EPB41L2: variants seen among roughly 807,000 people sequenced by gnomAD.
EPB41L2 encodes band 4.1-like protein 2.
A neutral mutation model predicts 113.0 loss-of-function variants in EPB41L2; 43 were observed. That is an observed-to-expected ratio of 0.38 (90% CI 0.30 to 0.49). The LOEUF (loss-of-function observed/expected upper bound fraction) is 0.49. Among genes scored for constraint, EPB41L2 ranks in the 20% least tolerant of loss-of-function variants. The pLI is 0.95. For missense variants in EPB41L2, 1,147 were observed against 1,223.4 expected, an observed-to-expected ratio of 0.94 and a Z score of 0.93; for synonymous variants, 442 against 436.7, an observed-to-expected ratio of 1.01 and a Z score of -0.15.
rs377070704 is a variant in EPB41L2, at chr6:130,870,146, T to C, written c.2044-20A>G. 72 of 1,575,744 alleles carry C rather than the reference T, an allele frequency of 4.6e-5. No homozygotes were observed. The African/African-American group carries it at 8.9e-4, about 20-fold the overall frequency. ...TGAACTCTGTACAAAAAAAGATGGA[T>C]GAGGGAAAACAAAAATATATGAATA... is the stretch of plus-strand genomic sequence containing the variant. On this transcript the variant is annotated intron_variant, in intron 14 of 19. Transcript: ENST00000337057.
At chr6:130,930,479 G>A (rs1464301012) in intron 3 of EPB41L2, among the ~76,000 whole-genome samples, 1 of 152,082 alleles carries the variant, frequency 6.6e-6, no homozygotes, top group Non-Finnish European at 1.5e-5. Flanking sequence ...TACAAAATCT[G>A]AAAAAACTTG....
At chr6:131,042,920 T>C (rs1370833233) in intron 1 of EPB41L2, among the ~76,000 whole-genome samples, 2 of 152,172 alleles carry the variant, frequency 1.3e-5, no homozygotes, top group Non-Finnish European at 2.9e-5. Context: ...TTGCAGAGGA[T>C]TATTATCTTC....
At chr6:130,972,911 G>A (rs528192782) in intron 1 of EPB41L2, among the ~76,000 whole-genome samples, 10 of 117,500 alleles carry the variant, frequency 8.5e-5, no homozygotes, top group African/African-American at 2.9e-4. Context: ...GGCCACCATG[G>A]TGAAACCCCA....
At chr6:131,018,069 C>T (rs1365896189) in intron 1 of EPB41L2, among the ~76,000 whole-genome samples, 1 of 152,040 alleles carries the variant, frequency 6.6e-6, no homozygotes, top group Non-Finnish European at 1.5e-5. Flanking sequence ...GCCAAGGCTA[C>T]CTAAAGGCCT....
At chr6:130,938,741 C>T (rs368598788) in intron 3 of EPB41L2, among the ~76,000 whole-genome samples, 1 of 152,118 alleles carries the variant, frequency 6.6e-6, no homozygotes, top group East Asian at 1.9e-4. Context: ...AATTCGACCA[C>T]TAGATTCTTT....
In EPB41L2 at chr6:130,951,407, C is replaced by T. The variant is rs550721218; in HGVS notation, c.705+3698G>A. ...TGGCGCAACCTTGGCTCACTGCAAC[C>T]TCTGCCCCATGGAGTCAAGTGATTC... On this transcript the variant is annotated intron_variant, in intron 3 of 19. Coordinates refer to ENST00000337057, the MANE Select transcript of EPB41L2 (RefSeq NM_001431.4). Among the ~76,000 whole-genome samples, 26 of 147,300 alleles carry T rather than the reference C, an allele frequency of 1.8e-4. No individual in the cohort carries two copies. In the South Asian group the frequency reaches 5.4e-3, roughly 31 times the overall value.
intron 1 of EPB41L2, among the ~76,000 whole-genome samples, chr6:131,052,134 G>T (rs745584191): frequency 6.6e-6 from 1 of 151,840 alleles, no homozygotes; most frequent in Non-Finnish European, 1.5e-5. Flanking sequence ...ATGGGGTTTT[G>T]CCATGTTGGC....
At chr6:130,961,481 G>A (rs2128633652) in intron 1 of EPB41L2, among the ~76,000 whole-genome samples, 1 of 152,234 alleles carries the variant, frequency 6.6e-6, no homozygotes. Flanking sequence ...AAATTCTAAT[G>A]TGCTATCTCT....
chr6:130,938,322 T>G (rs537520999), intron 3 of EPB41L2, among the ~76,000 whole-genome samples: 7 of 152,316 alleles, frequency 4.6e-5, no homozygotes, highest in Middle Eastern at 6.8e-3. Flanking sequence ...ATTTGACATT[T>G]TTTCCAAGTA....
chr6:130,902,305 C>T lies in EPB41L2; in HGVS notation c.930-1125G>A, dbSNP rs528893006. On this transcript the variant is annotated intron_variant, in intron 6 of 19. Transcript: ENST00000337057. ...GGGAGTGCTGGCCTCTGGTCCAGGCCTTGTTGTTACTGGGTCAGAGAGCAC... is the reference window on the plus strand; with the variant it reads ...GGGAGTGCTGGCCTCTGGTCCAGGCTTTGTTGTTACTGGGTCAGAGAGCAC... 3.3e-4 allele frequency among the ~76,000 whole-genome samples: 50 copies of T among 152,304 alleles called. No individual in the cohort carries two copies. The South Asian group carries it at 4.4e-3, about 13-fold the overall frequency.
chr6:130,880,493 A>T (rs1462399263), intron 12 of EPB41L2: 2 of 650,514 alleles, frequency 3.1e-6, no homozygotes, highest in Non-Finnish European at 5.5e-6. Flanking sequence ...TCTTCGCCTG[A>T]AAAGTCACAC....
intron 3 of EPB41L2, among the ~76,000 whole-genome samples, chr6:130,946,610 G>A (rs1445681986): frequency 6.6e-6 from 1 of 152,016 alleles, no homozygotes; most frequent in Non-Finnish European, 1.5e-5. Context: ...GTGGAAACAG[G>A]AAGCCATAAA....
At chr6:130,872,673 T>G in intron 14 of EPB41L2, 1 of 534,002 alleles carries the variant, frequency 1.9e-6, no homozygotes, top group Non-Finnish European at 2.7e-6. Context: ...AGATGAGAAT[T>G]CTGACAGATT....
chr6:130,890,213 T>C, intron 11 of EPB41L2, 81 bp downstream of exon 11: 2 of 1,429,168 alleles, frequency 1.4e-6, no homozygotes, highest in Middle Eastern at 2.3e-4. Flanking sequence ...CTGGTGGCTT[T>C]ATTAACTGGA....
chr6:130,890,212 T>C (rs1015948545), intron 11 of EPB41L2, 82 bp downstream of exon 11: 1 of 1,423,054 alleles, frequency 7.0e-7, no homozygotes, highest in African/African-American at 1.4e-5. Flanking sequence ...TCTGGTGGCT[T>C]TATTAACTGG....
chr6:130,864,489 G>T (rs1783094498), intron 17 of EPB41L2, among the ~76,000 whole-genome samples: 1 of 152,208 alleles, frequency 6.6e-6, no homozygotes, highest in Non-Finnish European at 1.5e-5. Context: ...CTGCCTCACA[G>T]CGTTATGGGC....
At chr6:130,974,536 A>C (rs1367700375) in intron 1 of EPB41L2, among the ~76,000 whole-genome samples, 1 of 152,014 alleles carries the variant, frequency 6.6e-6, no homozygotes, top group African/African-American at 2.4e-5. Flanking sequence ...TGGCACTATG[A>C]TTTTGAAAGA....
intron 1 of EPB41L2, among the ~76,000 whole-genome samples, chr6:131,017,780 C>T (rs1446985935): frequency 6.6e-6 from 1 of 152,166 alleles, no homozygotes; most frequent in Non-Finnish European, 1.5e-5. Flanking sequence ...CCAACTTAGG[C>T]TCTCACCAAC....
chr6:130,971,049 C>T (rs572694604), intron 1 of EPB41L2, among the ~76,000 whole-genome samples: 4 of 152,212 alleles, frequency 2.6e-5, no homozygotes, highest in South Asian at 2.1e-4. Flanking sequence ...TGCACTGCCA[C>T]GCCCAGCTGA....
Sources: allele counts gnomAD v4.1 joint callset (sites outside exome capture counted in the v4.1 genomes callset), GRCh38; gene constraint gnomAD v4.1.1; transcripts MANE v1.5; gene names NCBI Gene and HGNC (gene_info 2026-07-23, HGNC 2026-07-21).